The following B3GALT1 variants were observed in gnomAD, a reference collection of about 807,000 sequenced individuals.
The protein encoded by B3GALT1 is beta-1,3-galactosyltransferase 1.
A neutral mutation model predicts 23.2 loss-of-function variants in B3GALT1; 10 were observed. The ratio of observed to expected loss-of-function variants is 0.43; its 90% CI spans 0.27 to 0.73. The LOEUF (loss-of-function observed/expected upper bound fraction) is 0.73. Ranked by LOEUF, B3GALT1 falls within the 30% of genes least tolerant of loss-of-function variation. The pLI, the probability that B3GALT1 is intolerant of heterozygous loss-of-function variation, is 0.21. For missense variants in B3GALT1, 299 were observed against 405.4 expected, an observed-to-expected ratio of 0.74 and a Z score of 2.25; for synonymous variants, 156 against 141.5, an observed-to-expected ratio of 1.10 and a Z score of -0.73.
At chr2:167,414,106 A>G (rs1698431853) in intron 1 of B3GALT1, among the ~76,000 whole-genome samples, 1 of 152,132 alleles carries the variant, frequency 6.6e-6, no homozygotes, top group Non-Finnish European at 1.5e-5. Flanking sequence ...TTTACATGAC[A>G]TGGGGGGCCT....
chr2:167,541,649 C>T (rs1683535419), intron 2 of B3GALT1, among the ~76,000 whole-genome samples: 1 of 151,950 alleles, frequency 6.6e-6, no homozygotes, highest in South Asian at 2.1e-4. Flanking sequence ...GGAATCACTG[C>T]AGTAGTGCCA....
intron 1 of B3GALT1, among the ~76,000 whole-genome samples, chr2:167,405,464 T>C (rs1698260838): frequency 6.6e-6 from 1 of 152,152 alleles, no homozygotes; most frequent in Non-Finnish European, 1.5e-5. Context: ...TTCCTTATTA[T>C]AATGAACTCA....
chr2:167,734,747 T>C (rs1190158030), intron 3 of B3GALT1, among the ~76,000 whole-genome samples: 1 of 152,208 alleles, frequency 6.6e-6, no homozygotes, highest in African/African-American at 2.4e-5. Context: ...TCTATTAAAT[T>C]AAGTTGATAA....
intron 1 of B3GALT1, among the ~76,000 whole-genome samples, chr2:167,426,276 C>CT (rs199670599): frequency 0.096 from 13,171 of 137,554 alleles, 688 homozygotes; most frequent in African/African-American, 0.14. Flanking sequence ...GTTTATCATT[C>CT]TTTTTTTTTT....
intron 3 of B3GALT1, among the ~76,000 whole-genome samples, chr2:167,654,706 G>C: frequency 6.6e-6 from 1 of 151,960 alleles, no homozygotes; most frequent in South Asian, 2.1e-4. Context: ...TTGTTGCCCA[G>C]GCTGGCCTTG....
intron 2 of B3GALT1, among the ~76,000 whole-genome samples, chr2:167,593,460 A>T (rs1300657069): frequency 6.6e-6 from 1 of 152,224 alleles, no homozygotes; most frequent in Non-Finnish European, 1.5e-5. Flanking sequence ...TAATGTTTAA[A>T]AGTCTAAAAT....
chr2:167,645,553 ATTTTTT>A (rs1195110974), intron 2 of B3GALT1, among the ~76,000 whole-genome samples: 24 of 87,070 alleles, frequency 2.8e-4, no homozygotes, highest in African/African-American at 7.5e-4. Context: ...ACTGCCAATA[ATTTTTT>A]TTTTTTTTTT....
chr2:167,667,738 C>A (rs536879862), intron 3 of B3GALT1, among the ~76,000 whole-genome samples: 2 of 152,172 alleles, frequency 1.3e-5, no homozygotes, highest in African/African-American at 2.4e-5. Context: ...TCCAGTTGAT[C>A]GCATCGGCTG....
chr2:167,854,659 A>G (rs1689965470), intron 4 of B3GALT1, among the ~76,000 whole-genome samples: 1 of 152,130 alleles, frequency 6.6e-6, no homozygotes, highest in Non-Finnish European at 1.5e-5. Context: ...AAACTAGGTC[A>G]TTTACTTTTA....
intron 1 of B3GALT1, among the ~76,000 whole-genome samples, chr2:167,436,721 G>T (rs573682453): frequency 7.2e-4 from 110 of 152,104 alleles, no homozygotes; most frequent in African/African-American, 2.5e-3. Context: ...ACAAGATACG[G>T]TGTGGGCTTC....
intron 3 of B3GALT1, among the ~76,000 whole-genome samples, chr2:167,740,687 C>A (rs762727615): frequency 6.6e-6 from 1 of 151,952 alleles, no homozygotes; most frequent in Non-Finnish European, 1.5e-5. Flanking sequence ...CATCTTTGTG[C>A]AAATACTCTG....
intron 2 of B3GALT1, among the ~76,000 whole-genome samples, chr2:167,640,627 G>T (rs1254151737): frequency 3.9e-5 from 6 of 151,918 alleles, no homozygotes; most frequent in African/African-American, 7.3e-5. Context: ...ATCGGACCAG[G>T]TATATCCCAT....
intron 1 of B3GALT1, among the ~76,000 whole-genome samples, chr2:167,364,938 G>A (rs185474861): frequency 1.0e-3 from 153 of 152,238 alleles, no homozygotes; most frequent in African/African-American, 3.5e-3. Context: ...ACAAAATAGA[G>A]GGCCTTAAAG....
intron 1 of B3GALT1, among the ~76,000 whole-genome samples, chr2:167,305,852 G>A (rs1007370076): frequency 2.6e-5 from 4 of 152,020 alleles, no homozygotes; most frequent in African/African-American, 9.7e-5. Context: ...CCATCCTGCG[G>A]TCTACTAGAC....
chr2:167,533,337 G>C (rs1241595314), intron 2 of B3GALT1, among the ~76,000 whole-genome samples: 1 of 121,054 alleles, frequency 8.3e-6, no homozygotes, highest in Non-Finnish European at 1.7e-5. Flanking sequence ...AGTTTTCTGA[G>C]AGTTTTTTTT....
intron 1 of B3GALT1, among the ~76,000 whole-genome samples, chr2:167,457,542 G>A (rs1332057624): frequency 9.2e-5 from 14 of 151,928 alleles, no homozygotes. Flanking sequence ...CAAAGGCAGA[G>A]AGAGTGACTT....
At chr2:167,543,996 C>T (rs373355551) in intron 2 of B3GALT1, among the ~76,000 whole-genome samples, 67 of 152,300 alleles carry the variant, frequency 4.4e-4, no homozygotes, top group Non-Finnish European at 8.4e-4. Context: ...GGCTTATAGC[C>T]TTACAGTCTG....
At chr2:167,834,378 T>C (rs1689415215) in intron 4 of B3GALT1, among the ~76,000 whole-genome samples, 1 of 152,182 alleles carries the variant, frequency 6.6e-6, no homozygotes, top group Admixed American at 6.5e-5. Flanking sequence ...TTATTGTGCA[T>C]CCTTTGTAAG....
chr2:167,751,454 TAGTC>T (rs1216195871), intron 3 of B3GALT1, among the ~76,000 whole-genome samples: 1 of 152,150 alleles, frequency 6.6e-6, no homozygotes, highest in East Asian at 1.9e-4. Flanking sequence ...GTGGAGGAAA[TAGTC>T]TGTCTGTGGG....
Sources: gnomAD v4.1 joint callset for allele counts (sites outside exome capture counted in the v4.1 genomes callset) on GRCh38, gnomAD v4.1.1 for gene constraint, MANE v1.5 for transcripts, NCBI Gene and HGNC (gene_info 2026-07-23, HGNC 2026-07-21) for gene names.